Variants in OR2L3 observed in about 807,000 individuals in gnomAD.
OR2L3 encodes the protein olfactory receptor family 2 subfamily L member 3.
For synonymous variants in OR2L3, 131 were observed against 139.1 expected (o/e 0.94, Z 0.41); for missense variants, 369 against 376.6 (o/e 0.98, Z 0.17).
chr1:248,057,127 A>G (rs919236558), intron 1 of OR2L3, among the ~76,000 whole-genome samples: 1 of 152,156 alleles, frequency 6.6e-6, no homozygotes, highest in Admixed American at 6.6e-5. Flanking sequence ...TGTTTTGGGA[A>G]GGAGAGTTCT....
intron 1 of OR2L3, among the ~76,000 whole-genome samples, chr1:248,049,641 T>C (rs1663192049): frequency 6.6e-6 from 1 of 152,228 alleles, no homozygotes; most frequent in Non-Finnish European, 1.5e-5. Flanking sequence ...AAAAGATTTG[T>C]AATGAGTAAA....
At chr1:248,059,273 A>G (rs1663540322) in intron 1 of OR2L3, among the ~76,000 whole-genome samples, 1 of 152,216 alleles carries the variant, frequency 6.6e-6, no homozygotes, top group Non-Finnish European at 1.5e-5. Flanking sequence ...TCTTTTAGGC[A>G]TACTGTGCAA....
rs12567488 is a variant in OR2L3, at chr1:248,048,045, C to A, written c.-22+1165C>A. ...ATGGAGTCTCTGTCCCGTGAACTTACAGCGTGAAGCAGAGTAAGCACGTCC... is the reference window on the plus strand; with the variant it reads ...ATGGAGTCTCTGTCCCGTGAACTTAAAGCGTGAAGCAGAGTAAGCACGTCC... On this transcript the variant is annotated intron_variant, in intron 1 of 1. Transcript: ENST00000359959. 8.3e-4 allele frequency among the ~76,000 whole-genome samples: 127 copies of A among 152,274 alleles called. 3 individuals carry two copies. The East Asian group carries it at 0.022, about 26-fold the overall frequency.
intron 1 of OR2L3, chr1:248,051,125 C>G (rs1272929478): frequency 6.6e-6 from 1 of 152,190 alleles, no homozygotes; most frequent in African/African-American, 2.4e-5. Flanking sequence ...TTCATTGTCT[C>G]CAACTAACAC....
At chr1:248,051,572 G>A (rs111397005) in intron 1 of OR2L3, among the ~76,000 whole-genome samples, 5,816 of 152,120 alleles carry the variant, frequency 0.038, 362 homozygotes, top group African/African-American at 0.13. Flanking sequence ...AGTAGACACT[G>A]GGGACTCCAA....
intron 1 of OR2L3, among the ~76,000 whole-genome samples, chr1:248,057,940 T>C (rs1360917101): frequency 6.6e-6 from 1 of 152,214 alleles, no homozygotes; most frequent in African/African-American, 2.4e-5. Flanking sequence ...TTCTTTCTTT[T>C]GAAATAAGAT....
intron 1 of OR2L3, among the ~76,000 whole-genome samples, chr1:248,047,454 A>G (rs1308643906): frequency 6.6e-6 from 1 of 152,206 alleles, no homozygotes; most frequent in African/African-American, 2.4e-5. Context: ...TAAAATCACC[A>G]GTCTTCAGTG....
At chr1:248,051,517 A>T (rs1452493322) in intron 1 of OR2L3, among the ~76,000 whole-genome samples, 1 of 152,170 alleles carries the variant, frequency 6.6e-6, no homozygotes, top group Non-Finnish European at 1.5e-5. Context: ...CTCAGGTATA[A>T]TTGGGAGCTA....
At position 248,060,947 on chromosome 1, in the gene OR2L3, A is replaced by C. The variant is rs1268292344; in HGVS notation, c.266A>C (p.Lys89Thr). 6.2e-7 allele frequency: 1 copy of C among 1,613,864 alleles called. No individual in the cohort carries two copies. The highest frequency in any genetic ancestry group is 8.5e-7 in the Non-Finnish European group (1 of 1,179,908). Reference protein sequence around the residue: ...KMASDFLSGNKSISFTGCGIQ... With the variant: ...KMASDFLSGNTSISFTGCGIQ... ...GCATCTGATTTTCTGTCTGGTAACA[A>C]GTCTATCTCCTTCACTGGGTGTGGG... is the stretch of plus-strand genomic sequence containing the variant. The change falls in exon 2 of 2, where the codon AAG becomes ACG. Residue 89 changes from lysine (K) to threonine (T), a missense_variant. Lys to Thr is a moderately conservative substitution (Grantham distance 78, BLOSUM62 -1). Transcript: ENST00000359959.
chr1:248,060,968 G>A lies in OR2L3; in HGVS notation c.287G>A (p.Cys96Tyr). ...SGNKSISFTG[C>Y]GIQSFFFSAL... is the part of the protein sequence containing the mutation. ...AACAAGTCTATCTCCTTCACTGGGT[G>A]TGGGATTCAGAGTTTCTTCTTCTCG... Residue 96 changes from cysteine (C) to tyrosine (Y), a missense_variant, in exon 2 of 2, where the codon TGT becomes TAT. Coordinates refer to ENST00000359959, the MANE Select transcript of OR2L3 (RefSeq NM_001004687.2). 6.2e-7 allele frequency: 1 copy of A among 1,614,040 alleles called. No homozygotes were observed. The highest frequency in any genetic ancestry group is 8.5e-7 in the Non-Finnish European group (1 of 1,179,942).
At chr1:248,050,916 A>G (rs529762258) in intron 1 of OR2L3, among the ~76,000 whole-genome samples, 2 of 152,332 alleles carry the variant, frequency 1.3e-5, no homozygotes, top group Non-Finnish European at 2.9e-5. Flanking sequence ...GCCATGGCTT[A>G]GAAACCTGCC....
At chr1:248,057,145 T>A (rs1663460186) in intron 1 of OR2L3, among the ~76,000 whole-genome samples, 1 of 152,182 alleles carries the variant, frequency 6.6e-6, no homozygotes, top group African/African-American at 2.4e-5. Flanking sequence ...TCTGTAGACA[T>A]CTATCAGGTC....
At chr1:248,059,505 G>T (rs1663552246) in intron 1 of OR2L3, among the ~76,000 whole-genome samples, 1 of 152,120 alleles carries the variant, frequency 6.6e-6, no homozygotes. Context: ...TTTAACTAGA[G>T]AATTTTGAAA....
chr1:248,059,778 C>G (rs1663563109), intron 1 of OR2L3, among the ~76,000 whole-genome samples: 1 of 152,114 alleles, frequency 6.6e-6, no homozygotes, highest in South Asian at 2.1e-4. Flanking sequence ...GGTGGGGAAG[C>G]TCATGACTGC....
At chr1:248,056,522 C>T (rs1663437884) in intron 1 of OR2L3, among the ~76,000 whole-genome samples, 1 of 152,068 alleles carries the variant, frequency 6.6e-6, no homozygotes, top group African/African-American at 2.4e-5. Flanking sequence ...ACACTGATTT[C>T]TCTGCATCCC....
rs114035779 is a variant in OR2L3, at chr1:248,047,343, T to C, written c.-22+463T>C. Among the ~76,000 whole-genome samples, 714 of 152,270 alleles carry C rather than the reference T, an allele frequency of 4.7e-3. 7 individuals carry two copies. The highest frequency in any genetic ancestry group is 0.016 in the African/African-American group (678 of 41,536). ...ACTTCTCACTTTGTATTTTACCTTA[T>C]ATGAATCCAGTGTTTCTAATGAAAT... On this transcript the variant is annotated intron_variant, in intron 1 of 1. Coordinates refer to ENST00000359959, the MANE Select transcript of OR2L3 (RefSeq NM_001004687.2).
chr1:248,060,531 C>T (rs1663588207), intron 1 of OR2L3, 130 bp from the exon 2 acceptor site: 2 of 635,116 alleles, frequency 3.1e-6, no homozygotes, highest in South Asian at 2.1e-5. Flanking sequence ...TATGTGTGGA[C>T]AGAAAATAAT....
intron 1 of OR2L3, among the ~76,000 whole-genome samples, chr1:248,052,636 C>T (rs925219872): frequency 5.3e-5 from 8 of 152,100 alleles, no homozygotes; most frequent in African/African-American, 1.9e-4. Context: ...GAGGCTAAGC[C>T]AGGAGAATGG....
chr1:248,051,053 T>G (rs530694509), intron 1 of OR2L3: 3 of 152,338 alleles, frequency 2.0e-5, no homozygotes, highest in South Asian at 4.1e-4. Context: ...TAGAATTCTG[T>G]GTCATTAAGT....
Sources: allele counts gnomAD v4.1 joint callset (sites outside exome capture counted in the v4.1 genomes callset), GRCh38; gene constraint gnomAD v4.1.1; transcripts MANE v1.5; gene names NCBI Gene and HGNC (gene_info 2026-07-23, HGNC 2026-07-21).